Variants in THSD4 observed in about 807,000 individuals in gnomAD.
THSD4 encodes the protein thrombospondin type-1 domain-containing protein 4.
Under a neutral mutation model 119.0 loss-of-function variants are expected in THSD4, and 69 were observed. The observed-to-expected ratio is 0.58, with a 90% CI of 0.48 to 0.71. The LOEUF (loss-of-function observed/expected upper bound fraction) is 0.71. Ranked by LOEUF, THSD4 falls within the 30% of genes least tolerant of loss-of-function variation. The probability of loss-of-function intolerance (pLI) is 0.00; values close to 1 mark genes in which losing one functional copy is unlikely to be tolerated. For missense variants in THSD4, 1,393 were observed against 1,391.1 expected, an observed-to-expected ratio of 1.00 and a Z score of -0.02; for synonymous variants, 524 against 540.4, an observed-to-expected ratio of 0.97 and a Z score of 0.42.
rs570875869 is a variant in THSD4 at position 71,132,796 on chromosome 15, G to A, written c.-79-8653G>A. Among the ~76,000 whole-genome samples the A allele has an allele frequency of 3.9e-4, 60 of 152,284 alleles. 1 individual carries two copies. The highest frequency in any genetic ancestry group is 3.4e-3 in the Middle Eastern group (1 of 294). ...GTTACACCTTCCTTCCCCAACACAC[G>A]TATGTGTGTGTATGTGTGTACGCTC... is the stretch of plus-strand genomic sequence containing the variant. On this transcript the variant is annotated intron_variant, in intron 1 of 17. Transcript: ENST00000261862.
intron 15 of THSD4, among the ~76,000 whole-genome samples, chr15:71,764,783 A>AAG: frequency 6.6e-6 from 1 of 152,360 alleles, no homozygotes; most frequent in South Asian, 2.1e-4. Context: ...CTTAGTGACT[A>AAG]GCATCCTCCA....
At position 71,350,234 on chromosome 15, in the gene THSD4, T is replaced by C. The variant is rs577492561; in HGVS notation, c.1016-61453T>C. 2.1e-3 allele frequency among the ~76,000 whole-genome samples: 320 copies of C among 152,226 alleles called. 2 individuals are homozygous for C. Among genetic ancestry groups the C allele is most frequent in the Non-Finnish European group, 1.5e-3 (105 of 68,008 alleles). On this transcript the variant is annotated intron_variant, in intron 6 of 17. Coordinates refer to ENST00000261862, the MANE Select transcript of THSD4 (RefSeq NM_024817.3). ...ATTAAGTTGAACTCAGCTTTGTCCT[T>C]GAGTTTGACCACATTTACTCACTAA...
At chr15:71,245,209 G>A (rs1416062556) in intron 5 of THSD4, among the ~76,000 whole-genome samples, 2 of 152,186 alleles carry the variant, frequency 1.3e-5, no homozygotes, top group African/African-American at 4.8e-5. Flanking sequence ...TATAGGTGTA[G>A]TTCCCTTCTC....
intron 7 of THSD4, among the ~76,000 whole-genome samples, chr15:71,642,832 A>G (rs1037664321): frequency 4.4e-4 from 67 of 152,066 alleles, no homozygotes; most frequent in South Asian, 1.0e-3. Flanking sequence ...GATAGCATTA[A>G]GAGATATACC....
intron 7 of THSD4, among the ~76,000 whole-genome samples, chr15:71,530,040 C>T (rs1281587769): frequency 6.6e-6 from 1 of 152,186 alleles, no homozygotes; most frequent in Non-Finnish European, 1.5e-5. Context: ...ATGGTAACTA[C>T]TTCTACAATT....
chr15:71,716,316 C>T (rs908499112), intron 8 of THSD4, among the ~76,000 whole-genome samples: 6 of 152,116 alleles, frequency 3.9e-5, no homozygotes, highest in African/African-American at 9.7e-5. Flanking sequence ...CTTCAAAGAT[C>T]CTATTTCTAA....
At chr15:71,493,836 C>G (rs2047964760) in intron 7 of THSD4, among the ~76,000 whole-genome samples, 1 of 152,240 alleles carries the variant, frequency 6.6e-6, no homozygotes, top group East Asian at 1.9e-4. Flanking sequence ...CTATTGCCAT[C>G]ATCATAGCTG....
chr15:71,550,584 C>A (rs1304829962), intron 7 of THSD4, among the ~76,000 whole-genome samples: 1 of 152,140 alleles, frequency 6.6e-6, no homozygotes, highest in African/African-American at 2.4e-5. Flanking sequence ...CTACAGGTGC[C>A]TGCCGCCACG....
chr15:71,563,215 C>T (rs952345077), intron 7 of THSD4, among the ~76,000 whole-genome samples: 5 of 152,206 alleles, frequency 3.3e-5, no homozygotes, highest in African/African-American at 1.2e-4. Flanking sequence ...CACACTGGAG[C>T]AGAAAAGCTG....
intron 14 of THSD4, among the ~76,000 whole-genome samples, chr15:71,749,157 G>A (rs1213488517): frequency 6.6e-6 from 1 of 152,264 alleles, no homozygotes; most frequent in East Asian, 1.9e-4. Flanking sequence ...ATGGAGTGAT[G>A]TTGGTTACAC....
At chr15:71,211,869 G>A (rs1011981804) in intron 3 of THSD4, among the ~76,000 whole-genome samples, 1 of 152,132 alleles carries the variant, frequency 6.6e-6, no homozygotes. Flanking sequence ...AATTATTTTT[G>A]TCTCTTACCA....
At chr15:71,352,833 A>G (rs1450107555) in intron 6 of THSD4, among the ~76,000 whole-genome samples, 2 of 152,236 alleles carry the variant, frequency 1.3e-5, no homozygotes, top group African/African-American at 4.8e-5. Flanking sequence ...AGGAAAGCTT[A>G]ACATTTAAGC....
intron 8 of THSD4, among the ~76,000 whole-genome samples, chr15:71,689,251 C>G (rs928199312): frequency 6.6e-6 from 1 of 152,206 alleles, no homozygotes; most frequent in Non-Finnish European, 1.5e-5. Context: ...CTGGGAGCCA[C>G]CACCTGGTTC....
At chr15:71,517,807 C>A (rs1331291389) in intron 7 of THSD4, among the ~76,000 whole-genome samples, 1 of 152,212 alleles carries the variant, frequency 6.6e-6, no homozygotes, top group African/African-American at 2.4e-5. Flanking sequence ...AAGGTCCAAA[C>A]CTTGCTCTGT....
chr15:71,353,725 C>T (rs957830119), intron 6 of THSD4, among the ~76,000 whole-genome samples: 10 of 152,138 alleles, frequency 6.6e-5, no homozygotes, highest in African/African-American at 1.4e-4. Context: ...TGCACTGTCC[C>T]GACTATTTCA....
At chr15:71,472,257 A>G (rs1325330768) in intron 7 of THSD4, among the ~76,000 whole-genome samples, 1 of 152,174 alleles carries the variant, frequency 6.6e-6, no homozygotes, top group East Asian at 1.9e-4. Context: ...GGAGTTAATA[A>G]CAGTATCTAC....
intron 7 of THSD4, among the ~76,000 whole-genome samples, chr15:71,636,341 T>G (rs891962380): frequency 3.9e-5 from 6 of 152,036 alleles, no homozygotes; most frequent in Non-Finnish European, 8.8e-5. Flanking sequence ...GAGAATCGCT[T>G]GAACCTGGGA....
intron 7 of THSD4, 62 bp from the exon 8 acceptor site, chr15:71,660,468 C>G: frequency 2.5e-6 from 4 of 1,597,688 alleles, no homozygotes; most frequent in Non-Finnish European, 3.4e-6. Flanking sequence ...GATCTTCTCC[C>G]TTCCTTCCTC....
chr15:71,100,953 T>A (rs962375004), intron 1 of THSD4, among the ~76,000 whole-genome samples: 1 of 151,880 alleles, frequency 6.6e-6, no homozygotes. Flanking sequence ...CTGCCCTTCA[T>A]CCTGGGTGAC....
Sources: allele counts gnomAD v4.1 joint callset (sites outside exome capture counted in the v4.1 genomes callset), GRCh38; gene constraint gnomAD v4.1.1; transcripts MANE v1.5; gene names NCBI Gene and HGNC (gene_info 2026-07-23, HGNC 2026-07-21).